ZNF90: variants seen among roughly 807,000 people sequenced by gnomAD.
ZNF90 encodes the protein zinc finger protein HTF9.
A neutral mutation model predicts 12.0 loss-of-function variants in ZNF90; 11 were observed. The ratio of observed to expected loss-of-function variants is 0.92; its 90% confidence interval spans 0.58 to 1.52. ZNF90 has a LOEUF of 1.52. ZNF90 is among the 40% of genes most tolerant of loss of function. ZNF90 has a pLI of 0.00. For missense variants in ZNF90, 765 were observed against 711.5 expected (o/e 1.08, Z -0.86); for synonymous variants, 232 against 240.1 (o/e 0.97, Z 0.31).
intron 1 of ZNF90, 66 bp from the exon 2 acceptor site, chr19:20,104,173 T>C: frequency 6.2e-7 from 1 of 1,603,762 alleles, no homozygotes; most frequent in Non-Finnish European, 8.5e-7. Flanking sequence ...TCACCTTAAC[T>C]CAAATTACAA....
At chr19:20,087,907 G>T (rs558499344) in intron 1 of ZNF90, among the ~76,000 whole-genome samples, 2 of 152,212 alleles carry the variant, frequency 1.3e-5, no homozygotes, top group East Asian at 1.9e-4. Context: ...CTCAGTGGGG[G>T]TGCTTTTTGA....
In ZNF90 at chr19:20,105,325, G is replaced by C. The variant is rs139848324; in HGVS notation, c.226+9G>C. 19 of 1,597,890 alleles carry C rather than the reference G, an allele frequency of 1.2e-5. No individual in the cohort carries two copies. Among genetic ancestry groups the C allele is most frequent in the Admixed American group, 6.9e-5 (4 of 58,164 alleles). ...GATTGCCAAATCCCCAGGTAGGTGC[G>C]AGTGAAAATGAATACAACAGACAAC... On this transcript the variant is annotated intron_variant, in intron 3 of 3. Coordinates refer to ENST00000418063, the MANE Select transcript of ZNF90 (RefSeq NM_007138.2).
intron 1 of ZNF90, among the ~76,000 whole-genome samples, chr19:20,085,528 G>C (rs1555701953): frequency 1.3e-5 from 2 of 152,134 alleles, no homozygotes; most frequent in Non-Finnish European, 2.9e-5. Context: ...CCAAAGTGCT[G>C]GGATTACAGG....
chr19:20,092,006 T>C (rs1313788615), intron 1 of ZNF90, among the ~76,000 whole-genome samples: 1 of 151,962 alleles, frequency 6.6e-6, no homozygotes, highest in East Asian at 1.9e-4. Context: ...AAACCAAGTG[T>C]GATCAGGGTG....
chr19:20,096,388 A>G (rs1378773398), intron 1 of ZNF90, among the ~76,000 whole-genome samples: 1 of 152,198 alleles, frequency 6.6e-6, no homozygotes, highest in Non-Finnish European at 1.5e-5. Flanking sequence ...TGAGCAATAA[A>G]GCTTTTAATC....
intron 1 of ZNF90, among the ~76,000 whole-genome samples, 159 bp from the exon 2 acceptor site, chr19:20,104,080 A>G (rs559854065): frequency 1.5e-4 from 23 of 152,298 alleles, no homozygotes; most frequent in African/African-American, 5.3e-4. Context: ...ATATATTAGA[A>G]AATATTTTTG....
chr19:20,079,078 C>A (rs940726610), intron 1 of ZNF90, among the ~76,000 whole-genome samples: 1 of 146,950 alleles, frequency 6.8e-6, no homozygotes, highest in African/African-American at 2.5e-5. Flanking sequence ...GAGATCCCTC[C>A]ATCGCGCTCC....
chr19:20,095,943 G>A (rs1019538052), intron 1 of ZNF90, among the ~76,000 whole-genome samples: 2 of 152,240 alleles, frequency 1.3e-5, no homozygotes, highest in African/African-American at 4.8e-5. Context: ...TGAAACGTGA[G>A]TGTATAATCA....
At chr19:20,083,161 C>T (rs111725639) in intron 1 of ZNF90, among the ~76,000 whole-genome samples, 9 of 151,852 alleles carry the variant, frequency 5.9e-5, no homozygotes, top group Non-Finnish European at 1.3e-4. Context: ...GTGCCGGTGC[C>T]GGTCCTCCAT....
intron 1 of ZNF90, 25 bp from the exon 2 acceptor site, chr19:20,104,214 G>A (rs782653797): frequency 1.2e-5 from 20 of 1,611,828 alleles, no homozygotes; most frequent in African/African-American, 4.0e-5. Context: ...GTAAAAATGT[G>A]TGTGTGTATA....
intron 1 of ZNF90, among the ~76,000 whole-genome samples, chr19:20,082,493 A>T (rs1191730170): frequency 9.9e-5 from 15 of 152,214 alleles, no homozygotes; most frequent in Admixed American, 9.8e-4. Context: ...TTGCAGGAAC[A>T]TGTGCTGTGT....
chr19:20,120,974 T>C lies in ZNF90; in HGVS notation c.*1614T>C, dbSNP rs1332000900. ...ATTAAAGAGAAAGGATATTAAAATG[T>C]AAGATGCATGATGAAAATATAAGTG... On this transcript the variant is annotated 3_prime_UTR_variant, in exon 4 of 4. Transcript: ENST00000418063. 2.0e-5 allele frequency: 3 copies of C among 152,562 alleles called. No homozygotes were observed. Among genetic ancestry groups the C allele is most frequent in the Admixed American group, 1.3e-4 (2 of 15,274 alleles). 9.5% of individuals were successfully genotyped at this position (152,562 alleles called of 1,614,324 possible).
intron 1 of ZNF90, among the ~76,000 whole-genome samples, chr19:20,078,775 G>A (rs1210967105): frequency 6.6e-6 from 1 of 152,022 alleles, no homozygotes; most frequent in East Asian, 1.9e-4. Flanking sequence ...TAGATTGTGC[G>A]GTCTGACCCC....
chr19:20,118,728 A>G lies in ZNF90; in HGVS notation c.1174A>G (p.Ser392Gly), dbSNP rs782709673. The change falls in exon 4 of 4, where the codon AGT becomes GGT. Residue 392 changes from serine (S) to glycine (G), a missense_variant. Physicochemically the swap from Ser to Gly is moderately conservative, Grantham distance 56 (BLOSUM62 0). Transcript: ENST00000418063. ...SLLYKHKISH[S>G]EKKPYKCEEC... ...CCTTTATAAACATAAGATAAGTCAT[A>G]GTGAAAAGAAACCCTACAAATGTGA... 1 of 1,608,962 alleles carries G rather than the reference A, an allele frequency of 6.2e-7. No individual in the cohort carries two copies. The highest frequency in any genetic ancestry group is 1.1e-5 in the South Asian group (1 of 90,444).
chr19:20,111,865 A>ATT (rs34302162), intron 3 of ZNF90, among the ~76,000 whole-genome samples: 102 of 148,074 alleles, frequency 6.9e-4, no homozygotes, highest in South Asian at 5.1e-3. Context: ...ATTTATGCAG[A>ATT]TTTTTTTTTT....
chr19:20,108,468 C>G (rs2089058276), intron 3 of ZNF90, among the ~76,000 whole-genome samples: 1 of 152,086 alleles, frequency 6.6e-6, no homozygotes. Context: ...TGCCACCACT[C>G]CCGGCTAATT....
intron 1 of ZNF90, among the ~76,000 whole-genome samples, 182 bp downstream of exon 1, chr19:20,078,317 C>T (rs1216687691): frequency 2.6e-5 from 4 of 152,162 alleles, no homozygotes; most frequent in Non-Finnish European, 5.9e-5. Context: ...GACAGCCGGG[C>T]CCCGCGGCGT....
chr19:20,079,875 T>C, intron 1 of ZNF90: 1 of 414,688 alleles, frequency 2.4e-6, no homozygotes, highest in Non-Finnish European at 4.8e-6. Context: ...GCTGCCCTGC[T>C]GGAACTGCTC....
intron 1 of ZNF90, among the ~76,000 whole-genome samples, chr19:20,091,944 AGCCT>A (rs2088906136): frequency 6.6e-6 from 1 of 152,212 alleles, no homozygotes; most frequent in South Asian, 2.1e-4. Context: ...ACTATAGCAT[AGCCT>A]GCCTTTGCTG....
Sources: gnomAD v4.1 joint callset for allele counts (sites outside exome capture counted in the v4.1 genomes callset) on GRCh38, gnomAD v4.1.1 for gene constraint, MANE v1.5 for transcripts, NCBI Gene and HGNC (gene_info 2026-07-23, HGNC 2026-07-21) for gene names.